The following NRXN3 variants were observed in gnomAD, a reference collection of about 807,000 sequenced individuals.
NRXN3 encodes neurexin 3, also known as neurexin III.
NRXN3 carries 32 observed loss-of-function variants against 137.6 expected under a neutral mutation model. That is an observed-to-expected ratio of 0.23 (90% confidence interval 0.18 to 0.31). NRXN3 has a LOEUF of 0.31. NRXN3 is among the 10% of genes least tolerant of loss of function. The pLI is 1.00. For missense variants in NRXN3, 1,574 were observed against 2,062.5 expected (o/e 0.76, Z 4.59); for synonymous variants, 798 against 784.5 (o/e 1.02, Z -0.29).
At chr14:78,938,842 A>ATTTTTTTTTT (rs1312407059) in intron 10 of NRXN3, among the ~76,000 whole-genome samples, 1 of 134,370 alleles carries the variant, frequency 7.4e-6, no homozygotes. Flanking sequence ...GTCCAGAGTG[A>ATTTTTTTTTT]TTTTTCTTTT....
intron 15 of NRXN3, among the ~76,000 whole-genome samples, chr14:79,294,523 TTTA>T (rs1214719617): frequency 4.6e-5 from 7 of 152,288 alleles, no homozygotes; most frequent in Admixed American, 3.9e-4. Context: ...ATGATTGTTA[TTTA>T]TTCCATTTTT....
At position 79,376,242 on chromosome 14, in the gene NRXN3, A is replaced by G. The variant is rs868724866; in HGVS notation, c.3263-90979A>G. Reference sequence around the variant, plus strand: ...TATATATATATATATATATATATATATATATATATATATATATATATATAC... The same window carrying G: ...TATATATATATATATATATATATATGTATATATATATATATATATATATAC... On this transcript the variant is annotated intron_variant, in intron 15 of 20. Transcript: ENST00000335750. Among the ~76,000 whole-genome samples the G allele has an allele frequency of 2.7e-3, 287 of 104,926 alleles. 10 individuals carry two copies. The highest frequency in any genetic ancestry group is 0.017 in the South Asian group (54 of 3,228). The allele number at this position is 104,926 out of a possible 152,430, so 68.8% of individuals were successfully genotyped here.
At chr14:79,150,395 A>T (rs1192904785) in intron 15 of NRXN3, among the ~76,000 whole-genome samples, 1 of 151,894 alleles carries the variant, frequency 6.6e-6, no homozygotes, top group East Asian at 1.9e-4. Context: ...AAAGTATGTC[A>T]TATGTGTGTG....
At chr14:79,740,710 T>TTA (rs2098958396) in intron 19 of NRXN3, among the ~76,000 whole-genome samples, 4 of 73,674 alleles carry the variant, frequency 5.4e-5, no homozygotes, top group Admixed American at 1.8e-4. Flanking sequence ...GCATTTAGTT[T>TTA]TTTATATATA....
intron 8 of NRXN3, 73 bp downstream of exon 8, chr14:78,715,212 C>A: frequency 6.5e-7 from 1 of 1,541,946 alleles, no homozygotes; most frequent in Non-Finnish European, 8.7e-7. Context: ...CCCTGGGCAG[C>A]CCAAGCCTTC....
chr14:78,472,674 T>G (rs559625273), intron 4 of NRXN3, among the ~76,000 whole-genome samples: 1 of 152,336 alleles, frequency 6.6e-6, no homozygotes, highest in African/African-American at 2.4e-5. Context: ...TTCATCTCAC[T>G]GTTCCTCCTT....
At chr14:79,390,636 G>C (rs928165895) in intron 15 of NRXN3, among the ~76,000 whole-genome samples, 5 of 152,158 alleles carry the variant, frequency 3.3e-5, no homozygotes, top group Non-Finnish European at 7.3e-5. Flanking sequence ...GCCACTATGT[G>C]AAGCTTCAAA....
intron 15 of NRXN3, among the ~76,000 whole-genome samples, chr14:79,199,625 C>T (rs2065658926): frequency 6.6e-6 from 1 of 152,124 alleles, no homozygotes; most frequent in South Asian, 2.1e-4. Context: ...GTGTTAAGAG[C>T]AAATCAACTG....
chr14:78,606,069 A>G (rs1011778675), intron 4 of NRXN3, among the ~76,000 whole-genome samples: 2 of 152,186 alleles, frequency 1.3e-5, no homozygotes, highest in Admixed American at 6.5e-5. Flanking sequence ...GAGAGGAAAA[A>G]AAGATCAAGC....
At chr14:78,973,748 G>A (rs2099453134) in intron 14 of NRXN3, among the ~76,000 whole-genome samples, 1 of 152,138 alleles carries the variant, frequency 6.6e-6, no homozygotes, top group Non-Finnish European at 1.5e-5. Context: ...TAACAAGGGA[G>A]GAACAAGCAT....
intron 20 of NRXN3, among the ~76,000 whole-genome samples, chr14:79,808,246 A>G (rs1416864039): frequency 1.6e-5 from 2 of 127,012 alleles, no homozygotes; most frequent in Admixed American, 7.4e-5. Context: ...CAATTAAAAA[A>G]AAAAAAAAAA....
intron 6 of NRXN3, among the ~76,000 whole-genome samples, chr14:78,704,141 C>T (rs2098320857): frequency 6.6e-6 from 1 of 152,204 alleles, no homozygotes; most frequent in Non-Finnish European, 1.5e-5. Flanking sequence ...TTAGTTTATT[C>T]TCATGCACCT....
At chr14:79,546,304 GT>G (rs1486428642) in intron 16 of NRXN3, among the ~76,000 whole-genome samples, 1 of 152,094 alleles carries the variant, frequency 6.6e-6, no homozygotes, top group Non-Finnish European at 1.5e-5. Context: ...TTATACAATT[GT>G]TATGTTTACA....
At chr14:79,271,986 A>G (rs1192795354) in intron 15 of NRXN3, among the ~76,000 whole-genome samples, 2 of 152,194 alleles carry the variant, frequency 1.3e-5, no homozygotes, top group Non-Finnish European at 2.9e-5. Context: ...AAAGTCATAT[A>G]GCCAGTGGAC....
intron 16 of NRXN3, among the ~76,000 whole-genome samples, chr14:79,659,418 TAG>T (rs1426005891): frequency 6.6e-6 from 1 of 152,168 alleles, no homozygotes; most frequent in African/African-American, 2.4e-5. Flanking sequence ...ACAAAGAATG[TAG>T]AGAGATAGCA....
chr14:78,585,490 A>G (rs2097053447), intron 4 of NRXN3, among the ~76,000 whole-genome samples: 1 of 152,124 alleles, frequency 6.6e-6, no homozygotes, highest in East Asian at 1.9e-4. Flanking sequence ...ACTCCTGCGG[A>G]GTGTGGATAG....
intron 10 of NRXN3, among the ~76,000 whole-genome samples, chr14:78,891,503 A>G (rs2099158853): frequency 6.6e-6 from 1 of 151,946 alleles, no homozygotes; most frequent in African/African-American, 2.4e-5. Flanking sequence ...TACATCCATG[A>G]CATGAGAAAT....
At chr14:79,590,103 T>TA (rs1199925673) in intron 16 of NRXN3, among the ~76,000 whole-genome samples, 1 of 152,180 alleles carries the variant, frequency 6.6e-6, no homozygotes, top group Non-Finnish European at 1.5e-5. Context: ...GGTGGAATGA[T>TA]ACAGTTTGGC....
intron 15 of NRXN3, among the ~76,000 whole-genome samples, chr14:79,018,222 G>A (rs1481264294): frequency 4.0e-5 from 5 of 123,920 alleles, no homozygotes; most frequent in African/African-American, 1.6e-4. Flanking sequence ...ATCATGCCAC[G>A]GCACTCCAGC....
Sources: allele counts gnomAD v4.1 joint callset (sites outside exome capture counted in the v4.1 genomes callset), GRCh38; gene constraint gnomAD v4.1.1; transcripts MANE v1.5; gene names NCBI Gene and HGNC (gene_info 2026-07-23, HGNC 2026-07-21).